Variants in TSPAN5 observed in about 807,000 individuals in gnomAD.
TSPAN5 encodes the protein tetraspanin-5.
A neutral mutation model predicts 37.1 loss-of-function variants in TSPAN5; 10 were observed. That is an observed-to-expected ratio of 0.27 (90% CI 0.17 to 0.46). The LOEUF (loss-of-function observed/expected upper bound fraction) is 0.46. TSPAN5 is among the 20% of genes least tolerant of loss of function. The probability of loss-of-function intolerance (pLI) is 1.00; values close to 1 mark genes in which losing one functional copy is unlikely to be tolerated. For missense variants in TSPAN5, 195 were observed against 326.6 expected, an observed-to-expected ratio of 0.60 and a Z score of 3.11; for synonymous variants, 110 against 118.9, an observed-to-expected ratio of 0.93 and a Z score of 0.48.
intron 1 of TSPAN5, among the ~76,000 whole-genome samples, chr4:98,639,033 T>C (rs76126696): frequency 2.6e-5 from 4 of 152,318 alleles, no homozygotes; most frequent in African/African-American, 7.2e-5. Context: ...AGGCTGCTCA[T>C]TGCAAACACA....
chr4:98,484,672 AG>A, intron 3 of TSPAN5: 1 of 437,986 alleles, frequency 2.3e-6, no homozygotes, highest in Non-Finnish European at 4.5e-6. Flanking sequence ...ATCACAATTA[AG>A]GGGACTGAGC....
intron 2 of TSPAN5, among the ~76,000 whole-genome samples, chr4:98,504,929 C>T (rs543453802): frequency 1.9e-4 from 29 of 152,276 alleles, no homozygotes; most frequent in African/African-American, 6.5e-4. Flanking sequence ...AGTCCATGAT[C>T]AAGGCGCCAA....
intron 1 of TSPAN5, among the ~76,000 whole-genome samples, chr4:98,612,197 G>T (rs549014967): frequency 6.6e-6 from 1 of 152,318 alleles, no homozygotes; most frequent in South Asian, 2.1e-4. Context: ...ATGAGAAGCA[G>T]GAGGAAGAGG....
At chr4:98,590,538 G>A (rs533987597) in intron 1 of TSPAN5, among the ~76,000 whole-genome samples, 50 of 151,924 alleles carry the variant, frequency 3.3e-4, no homozygotes, top group African/African-American at 1.1e-3. Flanking sequence ...CTGAAACCCC[G>A]TCTCTACTAA....
chr4:98,613,850 C>T (rs1029507118), intron 1 of TSPAN5, among the ~76,000 whole-genome samples: 14 of 152,074 alleles, frequency 9.2e-5, no homozygotes, highest in African/African-American at 2.9e-4. Flanking sequence ...ACCAGTTTTT[C>T]ATTTCAAAGA....
intron 2 of TSPAN5, among the ~76,000 whole-genome samples, chr4:98,503,247 T>C (rs1424610201): frequency 6.6e-6 from 1 of 151,950 alleles, no homozygotes; most frequent in African/African-American, 2.4e-5. Flanking sequence ...CTACAGTGGA[T>C]CCCAAGCTAG....
chr4:98,520,128 G>A (rs1432837296), intron 1 of TSPAN5, among the ~76,000 whole-genome samples: 1 of 152,134 alleles, frequency 6.6e-6, no homozygotes, highest in Non-Finnish European at 1.5e-5. Context: ...ATGGGGCAGT[G>A]TACAGAGGGG....
intron 1 of TSPAN5, among the ~76,000 whole-genome samples, chr4:98,603,000 G>A (rs963202966): frequency 6.6e-6 from 1 of 152,188 alleles, no homozygotes; most frequent in African/African-American, 2.4e-5. Flanking sequence ...TGTAGTGTGG[G>A]AAGTTTACTG....
chr4:98,526,866 C>G (rs1417663105), intron 1 of TSPAN5, among the ~76,000 whole-genome samples: 2 of 152,170 alleles, frequency 1.3e-5, no homozygotes, highest in Non-Finnish European at 2.9e-5. Context: ...AGATAAAGTA[C>G]TATTTCATGA....
chr4:98,558,533 T>C (rs13149070), intron 1 of TSPAN5, among the ~76,000 whole-genome samples: 107,179 of 152,114 alleles, frequency 0.7, 37,932 homozygotes, highest in South Asian at 0.86. Flanking sequence ...GACTTTAATG[T>C]GGTGGCACTT....
intron 1 of TSPAN5, among the ~76,000 whole-genome samples, chr4:98,620,997 TC>T (rs1756467974): frequency 6.6e-6 from 1 of 152,182 alleles, no homozygotes; most frequent in Admixed American, 6.5e-5. Context: ...GGAAATAGAA[TC>T]ATTGCAGGTA....
At chr4:98,503,118 C>T (rs1753392373) in intron 2 of TSPAN5, among the ~76,000 whole-genome samples, 1 of 151,984 alleles carries the variant, frequency 6.6e-6, no homozygotes, top group Non-Finnish European at 1.5e-5. Context: ...TGAAATATCA[C>T]TGTGTCATTG....
intron 1 of TSPAN5, among the ~76,000 whole-genome samples, chr4:98,609,173 A>G (rs975379028): frequency 2.6e-5 from 4 of 152,236 alleles, no homozygotes; most frequent in Admixed American, 6.5e-5. Flanking sequence ...AAGATTTTCA[A>G]TCCCCACTGT....
At chr4:98,515,327 T>C (rs973504887) in intron 1 of TSPAN5, among the ~76,000 whole-genome samples, 2 of 152,206 alleles carry the variant, frequency 1.3e-5, no homozygotes, top group Non-Finnish European at 2.9e-5. Context: ...TGTGTGTTGA[T>C]GTGACCACGT....
chr4:98,508,820 C>T (rs187096497), intron 1 of TSPAN5, among the ~76,000 whole-genome samples: 19 of 152,172 alleles, frequency 1.2e-4, no homozygotes, highest in Admixed American at 9.8e-4. Context: ...CCACCACTCC[C>T]GGACTAGGGC....
At chr4:98,571,379 G>C (rs1425094743) in intron 1 of TSPAN5, among the ~76,000 whole-genome samples, 2 of 152,030 alleles carry the variant, frequency 1.3e-5, no homozygotes, top group Non-Finnish European at 2.9e-5. Context: ...TTACTGCAGG[G>C]GGGTGGCTGG....
chr4:98,552,644 T>A (rs544879151), intron 1 of TSPAN5, among the ~76,000 whole-genome samples: 1 of 152,178 alleles, frequency 6.6e-6, no homozygotes, highest in Non-Finnish European at 1.5e-5. Flanking sequence ...ACTTGTCCAG[T>A]AAGACTCATC....
chr4:98,541,131 C>T (rs1427810973), intron 1 of TSPAN5, among the ~76,000 whole-genome samples: 3 of 152,138 alleles, frequency 2.0e-5, no homozygotes, highest in African/African-American at 7.2e-5. Context: ...TGTTGGTGCT[C>T]AGCTGGCCTC....
intron 3 of TSPAN5, chr4:98,484,984 G>T (rs1752928994): frequency 5.8e-6 from 1 of 171,866 alleles, no homozygotes; most frequent in African/African-American, 2.4e-5. Flanking sequence ...ACGGTGGTAG[G>T]CTCCTGTAAT....
Sources: allele counts gnomAD v4.1 joint callset (sites outside exome capture counted in the v4.1 genomes callset), GRCh38; gene constraint gnomAD v4.1.1; transcripts MANE v1.5; gene names NCBI Gene and HGNC (gene_info 2026-07-23, HGNC 2026-07-21).